The following DOP1A variants were observed in gnomAD, a reference collection of about 807,000 sequenced individuals.
DOP1A encodes protein DOP1A.
A neutral mutation model predicts 267.6 loss-of-function variants in DOP1A; 90 were observed. The ratio of observed to expected loss-of-function variants is 0.34; its 90% CI spans 0.28 to 0.40. DOP1A has a LOEUF of 0.40. DOP1A is among the 10% of genes least tolerant of loss of function. The pLI is 1.00. For missense variants in DOP1A, 2,437 were observed against 2,900.4 expected (o/e 0.84, Z 3.67); for synonymous variants, 932 against 999.1 (o/e 0.93, Z 1.27).
At chr6:83,169,629 A>G (rs977400967), downstream of DOP1A, 16 of 462,360 alleles carry the variant, frequency 3.5e-5, no homozygotes, top group Non-Finnish European at 5.0e-5. Flanking sequence ...CCTAACAGTA[A>G]GTAAGTACTA....
At position 83,096,995 on chromosome 6, in the gene DOP1A, G is replaced by A; in HGVS notation, c.18G>A (p.Leu6=). The change falls in exon 3 of 39, where the codon CTG becomes CTA. Residue 6 remains leucine (L), a synonymous_variant. Transcript: ENST00000349129. The stretch of plus-strand genomic sequence containing the variant: ...GTGGGAGGATGAACACAGAAGAGCT[G>A]GAGTTATTGAGTGACTCCAAATACA... MNTEE[L]ELLSDSKYRN... The A allele has an allele frequency of 6.2e-7, 1 of 1,614,042 alleles. No homozygotes were observed. Among genetic ancestry groups the A allele is most frequent in the South Asian group, 1.1e-5 (1 of 91,058 alleles).
chr6:83,148,425 CAAAAAAA>C (rs558865150), intron 26 of DOP1A, among the ~76,000 whole-genome samples: 141 of 151,084 alleles, frequency 9.3e-4, no homozygotes, highest in African/African-American at 3.3e-3. Context: ...AAAAAAAAGA[CAAAAAAA>C]GAAAAAAGAA....
intron 1 of DOP1A, among the ~76,000 whole-genome samples, chr6:83,073,331 G>A (rs1785937674): frequency 6.6e-6 from 1 of 152,030 alleles, no homozygotes; most frequent in African/African-American, 2.4e-5. Flanking sequence ...CAGGTGATCT[G>A]CCCGCCTTGG....
At chr6:83,156,400 A>T (rs1162197753) in intron 34 of DOP1A, among the ~76,000 whole-genome samples, 2 of 152,320 alleles carry the variant, frequency 1.3e-5, no homozygotes, top group East Asian at 1.9e-4. Flanking sequence ...TCATGTTAGC[A>T]TGTTCTCCTT....
Position 83,168,061 on chromosome 6 carries a change from A to G in DOP1A, c.7292A>G (p.Asn2431Ser). 1 of 1,614,212 alleles carries G rather than the reference A, an allele frequency of 6.2e-7. No homozygotes were observed. Among genetic ancestry groups the G allele is most frequent in the East Asian group, 2.2e-5 (1 of 44,878 alleles). The change falls in exon 39 of 39, where the codon AAT becomes AGT. Residue 2431 changes from asparagine to serine, a missense_variant. Transcript: ENST00000349129. ...ATCCTCTACTCAAATGCCTTCCCTAATAAGGACATGAAACTGGAGAACCAC... is the reference window on the plus strand; with the variant it reads ...ATCCTCTACTCAAATGCCTTCCCTAGTAAGGACATGAAACTGGAGAACCAC... ...SPILYSNAFP[N>S]KDMKLENHKP...
chr6:83,160,249 C>T lies in DOP1A; in HGVS notation c.6962+289C>T, dbSNP rs1191319433. Among the ~76,000 whole-genome samples, 5 of 152,290 alleles carry T rather than the reference C, an allele frequency of 3.3e-5. No individual in the cohort carries two copies. In the East Asian group the frequency reaches 9.7e-4, roughly 30 times the overall value. On this transcript the variant is annotated intron_variant, in intron 37 of 38. Coordinates refer to ENST00000349129, the MANE Select transcript of DOP1A (RefSeq NM_015018.4). Reference sequence around the variant, plus strand: ...GAGACATACTCATACTATGGTGGCTCATGCACAAGACACACTGAGGCCACA... The same window carrying T: ...GAGACATACTCATACTATGGTGGCTTATGCACAAGACACACTGAGGCCACA...
chr6:83,095,092 C>T (rs1771220942), intron 1 of DOP1A, among the ~76,000 whole-genome samples: 3 of 152,124 alleles, frequency 2.0e-5, no homozygotes, highest in Admixed American at 2.0e-4. Context: ...GCCACCACAC[C>T]TGGCTGATTT....
At position 83,160,003 on chromosome 6, in the gene DOP1A, C is replaced by T. The variant is rs753480983; in HGVS notation, c.6962+43C>T. Reference sequence around the variant, plus strand: ...TATTAAATGGTTATTTTTGAAAGTGCATTTGCTTTGGTCACTGACATCTAT... The same window carrying T: ...TATTAAATGGTTATTTTTGAAAGTGTATTTGCTTTGGTCACTGACATCTAT... On this transcript the variant is annotated intron_variant, in intron 37 of 38. Transcript: ENST00000349129. The T allele has an allele frequency of 2.5e-6, 4 of 1,596,702 alleles. No homozygotes were observed. The African/African-American group carries it at 4.0e-5, about 16-fold the overall frequency.
intron 9 of DOP1A, 33 bp downstream of exon 9, chr6:83,119,890 TACTG>T: frequency 3.2e-6 from 5 of 1,541,190 alleles, no homozygotes; most frequent in Non-Finnish European, 4.5e-6. Context: ...TTTGGTTACT[TACTG>T]ACCACTAGAG....
chr6:83,119,131 T>G, intron 8 of DOP1A, 144 bp downstream of exon 8: 1 of 659,448 alleles, frequency 1.5e-6, no homozygotes, highest in Non-Finnish European at 2.6e-6. Flanking sequence ...ATAAACAGTA[T>G]TAGTTGTGTA....
Position 83,132,299 on chromosome 6 carries a change from A to T in DOP1A, c.2740A>T (p.Ile914Leu). The change falls in exon 18 of 39, where the codon ATA becomes TTA. Residue 914 changes from isoleucine (I) to leucine (L), a missense_variant. Coordinates refer to ENST00000349129, the MANE Select transcript of DOP1A (RefSeq NM_015018.4). ...TTCTTCTAGCATCTGTGAGGATGTT[A>T]TAAGTCAGCAGTTAACCCATAAAGA... ...VPSSSICEDV[I>L]SQQLTHKDKK... 2 of 1,612,680 alleles carry T rather than the reference A, an allele frequency of 1.2e-6. No individual in the cohort carries two copies. Among genetic ancestry groups the T allele is most frequent in the Non-Finnish European group, 1.7e-6 (2 of 1,179,376 alleles).
At chr6:83,145,757 C>G in intron 25 of DOP1A, 99 bp downstream of exon 25, 3 of 1,166,422 alleles carry the variant, frequency 2.6e-6, no homozygotes, top group Non-Finnish European at 3.6e-6. Context: ...CAATATAGTA[C>G]AGATTGCAGA....
At chr6:83,154,263 T>C in intron 33 of DOP1A, 22 bp downstream of exon 33, 1 of 1,603,462 alleles carries the variant, frequency 6.2e-7, no homozygotes, top group Non-Finnish European at 8.5e-7. Flanking sequence ...GGGATGACAA[T>C]CCAAGTTCTT....
intron 37 of DOP1A, 152 bp downstream of exon 37, chr6:83,160,112 G>A (rs1783879193): frequency 1.3e-6 from 1 of 743,874 alleles, no homozygotes; most frequent in Non-Finnish European, 2.1e-6. Flanking sequence ...CAGAGTTATC[G>A]GAAGTAAATG....
Position 83,138,654 on chromosome 6 carries a change from A to C in DOP1A, c.4612A>C (p.Ser1538Arg), listed in dbSNP as rs1779184919. 6.2e-7 allele frequency: 1 copy of C among 1,613,972 alleles called. No homozygotes were observed. The highest frequency in any genetic ancestry group is 1.1e-5 in the South Asian group (1 of 91,084). The change falls in exon 21 of 39, where the codon AGT becomes CGT. Residue 1538 changes from serine to arginine, a missense_variant. Around this residue, in one of 9 missense-constraint regions of DOP1A, gnomAD observed 878 missense variants for 992.9 expected, o/e 0.88. Coordinates refer to ENST00000349129, the MANE Select transcript of DOP1A (RefSeq NM_015018.4). ...TCATTGTTTGCTGTCATCTATCTTTAGTGCTCAGAAATGGCATAGTGAAAA... is the reference window on the plus strand; with the variant it reads ...TCATTGTTTGCTGTCATCTATCTTTCGTGCTCAGAAATGGCATAGTGAAAA... ...ILHCLLSSIF[S>R]AQKWHSEKMA...
At position 83,119,871 on chromosome 6, in the gene DOP1A, T is replaced by G. The variant is rs753306245; in HGVS notation, c.990+14T>G. ...TTATTAGTCCAGGTAATGAATACTT[T>G]TATTATTCTTTGGTTACTTACTGAC... On this transcript the variant is annotated intron_variant, in intron 9 of 38. Coordinates refer to ENST00000349129, the MANE Select transcript of DOP1A (RefSeq NM_015018.4). 1.3e-6 allele frequency: 2 copies of G among 1,593,550 alleles called. No individual in the cohort carries two copies. Among genetic ancestry groups the G allele is most frequent in the Admixed American group, 3.3e-5 (2 of 59,806 alleles).
At chr6:83,157,372 T>A in intron 35 of DOP1A, 54 bp downstream of exon 35, 1 of 1,566,470 alleles carries the variant, frequency 6.4e-7, no homozygotes, top group Non-Finnish European at 8.8e-7. Context: ...AAACAGTGAT[T>A]AGTTTCCATG....
chr6:83,076,739 ACT>A (rs1161975562), intron 1 of DOP1A, among the ~76,000 whole-genome samples: 2 of 152,092 alleles, frequency 1.3e-5, no homozygotes, highest in Admixed American at 6.5e-5. Context: ...TTAAAAAATT[ACT>A]CTCTAAATGC....
rs143509807 is a variant in DOP1A at position 83,097,043 on chromosome 6, C to T, written c.66C>T (p.Asp22=). ...SKYRNYVAAI[D]KALKNFEYSS... ...ACAGAAACTATGTAGCAGCAATTGA[C>T]AAAGCACTAAAGAATTTTGAATACT... is the stretch of plus-strand genomic sequence containing the variant. The change falls in exon 3 of 39, where the codon GAC becomes GAT. Residue 22 remains aspartate (D), a synonymous_variant. Coordinates refer to ENST00000349129, the MANE Select transcript of DOP1A (RefSeq NM_015018.4). The T allele has an allele frequency of 7.5e-4, 1,214 of 1,613,882 alleles. 2 individuals are homozygous for T. Among genetic ancestry groups the T allele is most frequent in the Non-Finnish European group, 9.7e-4 (1,141 of 1,179,976 alleles).
Sources: gnomAD v4.1 joint callset for allele counts (sites outside exome capture counted in the v4.1 genomes callset) on GRCh38, gnomAD v4.1.1 for gene constraint, gnomAD v4.1.1 regional missense constraint, MANE v1.5 for transcripts, NCBI Gene and HGNC (gene_info 2026-07-23, HGNC 2026-07-21) for gene names.